The following WASF3 variants were observed in gnomAD, a reference collection of about 807,000 sequenced individuals.
WASF3 encodes WASP family member 3, also known as actin-binding protein WASF3.
WASF3 carries 11 observed loss-of-function variants against 46.6 expected under a neutral mutation model. The ratio of observed to expected loss-of-function variants is 0.24; its 90% CI spans 0.15 to 0.39. The LOEUF (loss-of-function observed/expected upper bound fraction) is 0.39, where lower values mean the gene tolerates loss of function less well. WASF3 is among the 10% of genes least tolerant of loss of function. The pLI, the probability that WASF3 is intolerant of heterozygous loss-of-function variation, is 1.00. For synonymous variants in WASF3, 242 were observed against 259.7 expected, an observed-to-expected ratio of 0.93 and a Z score of 0.65; for missense variants, 576 against 669.8, an observed-to-expected ratio of 0.86 and a Z score of 1.55.
At chr13:26,618,220 C>T (rs1426048365) in intron 2 of WASF3, among the ~76,000 whole-genome samples, 2 of 152,140 alleles carry the variant, frequency 1.3e-5, no homozygotes, top group Non-Finnish European at 2.9e-5. Context: ...CCATTGCTGA[C>T]TTTATTACAA....
At position 26,679,246 on chromosome 13, in the gene WASF3, C is replaced by T. The variant is rs1415238924; in HGVS notation, c.717-1808C>T. Among the ~76,000 whole-genome samples the T allele has an allele frequency of 6.6e-6, 1 of 152,094 alleles. No homozygotes were observed. The highest frequency in any genetic ancestry group is 2.1e-4 in the South Asian group (1 of 4,808). On this transcript the variant is annotated intron_variant, in intron 7 of 9. Coordinates refer to ENST00000335327, the MANE Select transcript of WASF3 (RefSeq NM_006646.6). The surrounding 1 kb of genome is among the most constrained non-coding windows in gnomAD (Gnocchi z 4.8). ...AGTGGGGCTCATCTCCAACAGCTGCCTGCTCCTCCCTCCTCCTCCTCCTGC... is the reference window on the plus strand; with the variant it reads ...AGTGGGGCTCATCTCCAACAGCTGCTTGCTCCTCCCTCCTCCTCCTCCTGC...
chr13:26,549,476 G>T, the WASF3 span, among the ~76,000 whole-genome samples: 3 of 152,018 alleles, frequency 2.0e-5, no homozygotes, highest in Non-Finnish European at 4.4e-5. Flanking sequence ...AAGATTATGG[G>T]TATTGAGCGT....
chr13:26,598,027 T>G (rs1880528327), intron 1 of WASF3, among the ~76,000 whole-genome samples: 3 of 152,234 alleles, frequency 2.0e-5, no homozygotes, highest in South Asian at 4.1e-4. Flanking sequence ...TCAAGATCCC[T>G]GAGGAATCGC....
intron 1 of WASF3, among the ~76,000 whole-genome samples, chr13:26,559,531 G>C (rs1879211870): frequency 6.6e-6 from 1 of 152,128 alleles, no homozygotes; most frequent in Non-Finnish European, 1.5e-5. Context: ...CCTATCTCTT[G>C]TCAGTGTGTC....
In WASF3 at chr13:26,577,060, T is replaced by G; in HGVS notation, c.-109+19241T>G. On this transcript the variant is annotated intron_variant, in intron 1 of 9. Transcript: ENST00000335327. ...CAGGACCCAAGGAAACAAAATTGCA[T>G]CTGATGGCCTCAAGGGTCATGTGTT... is the stretch of plus-strand genomic sequence containing the variant. 2 of 736,906 alleles carry G rather than the reference T, an allele frequency of 2.7e-6. 1 individual carries two copies. Among genetic ancestry groups the G allele is most frequent in the South Asian group, 2.9e-5 (2 of 68,578 alleles). 45.6% of individuals were successfully genotyped at this position (736,906 alleles called of 1,614,324 possible).
chr13:26,617,905 C>G (rs915665276), intron 2 of WASF3, among the ~76,000 whole-genome samples: 1 of 152,030 alleles, frequency 6.6e-6, no homozygotes, highest in African/African-American at 2.4e-5. Flanking sequence ...TTTGGTAGTT[C>G]CTCCTGCATT....
At chr13:26,644,960 C>A (rs1882106274) in intron 3 of WASF3, among the ~76,000 whole-genome samples, 2 of 152,216 alleles carry the variant, frequency 1.3e-5, no homozygotes, top group Non-Finnish European at 2.9e-5. Flanking sequence ...CACAGTGACC[C>A]TTCCTCACTT....
At chr13:26,680,802 C>G (rs1361313348) in intron 7 of WASF3, among the ~76,000 whole-genome samples, 1 of 152,100 alleles carries the variant, frequency 6.6e-6, no homozygotes. Flanking sequence ...TCCTGCTTGC[C>G]GGTCTGTCTG....
intron 9 of WASF3, among the ~76,000 whole-genome samples, 175 bp from the exon 10 acceptor site, chr13:26,685,513 A>G (rs996607906): frequency 6.6e-5 from 10 of 152,220 alleles, no homozygotes; most frequent in African/African-American, 2.2e-4. Flanking sequence ...CTTTGAATGC[A>G]TGTTTTTTCT....
Position 26,681,413 on chromosome 13 carries a change from A to G in WASF3, c.983+93A>G, listed in dbSNP as rs146093208. On this transcript the variant is annotated intron_variant, in intron 8 of 9. Transcript: ENST00000335327. ...GAGAATTTTAACTCCGGTATTTTAG[A>G]GGCCAAGATAGAGTCAAGGATGACT... 143 of 1,413,204 alleles carry G rather than the reference A, an allele frequency of 1.0e-4. 1 individual carries two copies. The East Asian group carries it at 2.8e-3, about 27-fold the overall frequency. The allele number at this position is 1,413,204 out of a possible 1,614,324, so 87.5% of individuals were successfully genotyped here. A position where few individuals can be genotyped will look rare whatever the true frequency, so the allele number is the denominator to read the frequency against.
intron 6 of WASF3, among the ~76,000 whole-genome samples, chr13:26,673,803 T>G (rs1882986711): frequency 6.6e-6 from 1 of 152,178 alleles, no homozygotes; most frequent in East Asian, 1.9e-4. Flanking sequence ...GTAAGTTTAG[T>G]GAAGGACAAG....
intron 1 of WASF3, among the ~76,000 whole-genome samples, chr13:26,596,343 T>A (rs573997): frequency 0.076 from 11,612 of 151,810 alleles, 978 homozygotes; most frequent in African/African-American, 0.21. Context: ...CTTTTTTTTT[T>A]AAAAAAAGCT....
intron 2 of WASF3, among the ~76,000 whole-genome samples, chr13:26,624,033 GT>G (rs1566054535): frequency 6.6e-6 from 1 of 152,120 alleles, no homozygotes; most frequent in Non-Finnish European, 1.5e-5. Context: ...AAGAAATACT[GT>G]TTACTTAGTC....
intron 2 of WASF3, among the ~76,000 whole-genome samples, chr13:26,623,294 G>A (rs537535211): frequency 5.3e-5 from 8 of 152,102 alleles, no homozygotes; most frequent in Non-Finnish European, 7.4e-5. Context: ...GCTGCTCTGC[G>A]GGAGGTAATC....
At chr13:26,640,629 A>T (rs1881969492) in intron 2 of WASF3, 1 of 151,836 alleles carries the variant, frequency 6.6e-6, no homozygotes, top group African/African-American at 2.4e-5. Flanking sequence ...CTGGTTTCGA[A>T]CTCCTGACCT....
Position 26,667,597 on chromosome 13 carries a change from A to T in WASF3, c.349A>T (p.Ile117Phe), listed in dbSNP as rs200246981. ...QDQQVVSKNS[I>F]PNPVADIYNQ... ...CCAGCAAGTGGTTTCAAAGAACAGC[A>T]TTCCTAATCCTGTTGCTGATATTTA... Residue 117 changes from isoleucine to phenylalanine, a missense_variant, in exon 5 of 10, where the codon ATT becomes TTT. Around this residue, in one of 3 missense-constraint regions of WASF3, gnomAD observed 213 missense variants for 278.0 expected, o/e 0.77. Coordinates refer to ENST00000335327, the MANE Select transcript of WASF3 (RefSeq NM_006646.6). The T allele has an allele frequency of 6.2e-7, 1 of 1,614,174 alleles. No homozygotes were observed. Among genetic ancestry groups the T allele is most frequent in the Non-Finnish European group, 8.5e-7 (1 of 1,180,022 alleles).
At chr13:26,653,851 G>T (rs1882389710) in intron 3 of WASF3, among the ~76,000 whole-genome samples, 2 of 152,216 alleles carry the variant, frequency 1.3e-5, no homozygotes, top group East Asian at 1.9e-4. Flanking sequence ...TCTTCACTTG[G>T]ATTTCTAATA....
chr13:26,674,916 A>ACATTC (rs1883019517), intron 6 of WASF3, among the ~76,000 whole-genome samples: 1 of 152,206 alleles, frequency 6.6e-6, no homozygotes, highest in Non-Finnish European at 1.5e-5. Flanking sequence ...TCTTTTGATG[A>ACATTC]AAGATTGAAT....
intron 2 of WASF3, among the ~76,000 whole-genome samples, chr13:26,615,727 T>C (rs1261733584): frequency 6.6e-6 from 1 of 152,214 alleles, no homozygotes; most frequent in Non-Finnish European, 1.5e-5. Context: ...ATACCATCAA[T>C]GTAGTTGAAC....
Sources: gnomAD v4.1 joint callset for allele counts (sites outside exome capture counted in the v4.1 genomes callset) on GRCh38, gnomAD v4.1.1 for gene constraint, gnomAD v4.1.1 regional missense constraint, Gnocchi (gnomAD v3.1) non-coding constraint, MANE v1.5 for transcripts, NCBI Gene and HGNC (gene_info 2026-07-23, HGNC 2026-07-21) for gene names.